Variants in DAPL1 observed in about 807,000 individuals in gnomAD.
DAPL1 encodes the protein death-associated protein-like 1.
A neutral mutation model predicts 12.9 loss-of-function variants in DAPL1; 17 were observed. The observed-to-expected ratio is 1.32, with a 90% CI of 0.90 to 1.98. The LOEUF is 1.98. Ranked by LOEUF, DAPL1 falls within the 30% of genes most tolerant of loss-of-function variation. The pLI is 0.00. For synonymous variants in DAPL1, 51 were observed against 42.0 expected, an observed-to-expected ratio of 1.21 and a Z score of -0.82; for missense variants, 157 against 125.7, an observed-to-expected ratio of 1.25 and a Z score of -1.19.
rs191708744 is a variant in DAPL1, at chr2:158,803,136, G to A, written c.59-1146G>A. Among the ~76,000 whole-genome samples, 54 of 152,350 alleles carry A rather than the reference G, an allele frequency of 3.5e-4. 1 individual carries two copies. The highest frequency in any genetic ancestry group is 1.2e-3 in the African/African-American group (50 of 41,588). Reference sequence around the variant, plus strand: ...CCATTTTATAAAAAATAAAACCTGAGTGTATGTGTAGAATAACTGTGGATG... The same window carrying A: ...CCATTTTATAAAAAATAAAACCTGAATGTATGTGTAGAATAACTGTGGATG... On this transcript the variant is annotated intron_variant, in intron 1 of 3. Transcript: ENST00000309950.
At chr2:158,812,714 G>T (rs538170553) in intron 3 of DAPL1, among the ~76,000 whole-genome samples, 1 of 151,212 alleles carries the variant, frequency 6.6e-6, no homozygotes. Context: ...AGGACCACTT[G>T]AGCCCGGGAG....
At chr2:158,795,492 T>G in intron 1 of DAPL1, 62 bp downstream of exon 1, 2 of 1,484,098 alleles carry the variant, frequency 1.3e-6, no homozygotes, top group South Asian at 1.2e-5. Flanking sequence ...CACCAATGCC[T>G]TCCATGGAGC....
rs553073763 is a variant in DAPL1 at position 158,803,487 on chromosome 2, G to A, written c.59-795G>A. Among the ~76,000 whole-genome samples the A allele has an allele frequency of 2.0e-5, 3 of 152,282 alleles. No homozygotes were observed. In the South Asian group the frequency reaches 6.2e-4, roughly 32 times the overall value. ...ATGTCCATTTAGCTTTTTCTCATTT[G>A]AGCTTGTCAGATTTTAGATGTGCAA... On this transcript the variant is annotated intron_variant, in intron 1 of 3. Transcript: ENST00000309950.
intron 3 of DAPL1, among the ~76,000 whole-genome samples, chr2:158,812,921 A>G (rs1485937299): frequency 6.6e-6 from 1 of 152,154 alleles, no homozygotes; most frequent in Non-Finnish European, 1.5e-5. Flanking sequence ...AGATATTTGT[A>G]CACCAATATT....
intron 3 of DAPL1, among the ~76,000 whole-genome samples, chr2:158,810,823 A>G (rs2059226784): frequency 1.3e-5 from 2 of 152,228 alleles, no homozygotes; most frequent in African/African-American, 4.8e-5. Flanking sequence ...TGTGTAGCCC[A>G]AAAGCTCTTT....
At chr2:158,810,234 TA>T (rs926495463) in intron 3 of DAPL1, among the ~76,000 whole-genome samples, 17 of 152,348 alleles carry the variant, frequency 1.1e-4, no homozygotes, top group Admixed American at 2.0e-4. Flanking sequence ...AGGTATCTTT[TA>T]ATACATTTTT....
intron 2 of DAPL1, among the ~76,000 whole-genome samples, chr2:158,804,744 T>A (rs1220562328): frequency 6.6e-6 from 1 of 152,280 alleles, no homozygotes; most frequent in Admixed American, 6.5e-5. Context: ...GTTTTCATAA[T>A]ATGCTTTCTG....
chr2:158,797,658 G>T (rs2059141991), intron 1 of DAPL1, among the ~76,000 whole-genome samples: 1 of 152,088 alleles, frequency 6.6e-6, no homozygotes, highest in Non-Finnish European at 1.5e-5. Context: ...CGGGCGTGGG[G>T]CATGTGCCTG....
chr2:158,815,605 G>A (rs2059255584), intron 3 of DAPL1, 100 bp from the exon 4 acceptor site: 2 of 790,898 alleles, frequency 2.5e-6, no homozygotes, highest in Non-Finnish European at 4.4e-6. Flanking sequence ...AAACAAAATT[G>A]TGAGATTCCC....
chr2:158,804,367 A>G lies in DAPL1; in HGVS notation c.144A>G (p.Thr48=), dbSNP rs1424021634. 8 of 1,605,642 alleles carry G rather than the reference A, an allele frequency of 5.0e-6. No homozygotes were observed. The East Asian group carries it at 6.7e-5, about 13-fold the overall frequency. ...RHTKKTGFEK[T]SAIANVAKIQ... is the part of the protein sequence containing the mutation. The stretch of plus-strand genomic sequence containing the variant: ...CCAAAAAAACAGGATTCGAGAAAAC[A>G]AGGTAGGGACTCTTAATTTTTCTCC... Residue 48 remains threonine (T), a splice_region_variant and synonymous_variant, in exon 2 of 4, where the codon ACA becomes ACG. Transcript: ENST00000309950.
At chr2:158,804,134 A>AT (rs796773330) in intron 1 of DAPL1, 148 bp from the exon 2 acceptor site, 10 of 28,186 alleles carry the variant, frequency 3.5e-4, no homozygotes, top group East Asian at 1.5e-3. Flanking sequence ...AAATATATAT[A>AT]TTTTTTATTG....
intron 1 of DAPL1, among the ~76,000 whole-genome samples, chr2:158,800,153 A>C (rs2059159472): frequency 6.6e-6 from 1 of 151,966 alleles, no homozygotes; most frequent in Non-Finnish European, 1.5e-5. Flanking sequence ...TTTTTTTGAG[A>C]GGTAGATGAA....
intron 3 of DAPL1, among the ~76,000 whole-genome samples, chr2:158,812,432 G>A (rs1412414430): frequency 6.6e-6 from 1 of 152,178 alleles, no homozygotes; most frequent in Non-Finnish European, 1.5e-5. Flanking sequence ...TGTATTGCTG[G>A]TGGGAATGTA....
At chr2:158,804,179 A>AT (rs56673121) in intron 1 of DAPL1, 103 bp from the exon 2 acceptor site, 9,720 of 773,196 alleles carry the variant, frequency 0.013, 465 homozygotes, top group African/African-American at 0.12. Context: ...TCTTTAAAAA[A>AT]TAAGTTCAAA....
At chr2:158,815,101 A>T (rs964902882) in intron 3 of DAPL1, among the ~76,000 whole-genome samples, 3 of 152,234 alleles carry the variant, frequency 2.0e-5, no homozygotes, top group South Asian at 4.1e-4. Context: ...TTACTCATAG[A>T]TGTCTTCTGT....
Position 158,795,456 on chromosome 2 carries a change from T to C in DAPL1, c.58+26T>C, listed in dbSNP as rs1204683184. 7.7e-6 allele frequency: 12 copies of C among 1,551,090 alleles called. No homozygotes were observed. In the East Asian group the frequency reaches 2.9e-4, roughly 38 times the overall value. Reference sequence around the variant, plus strand: ...GTAGGCTGCCACCTGCCCTCAGTCCTGCAGGCTGTTGCTGCTCCCCTCTTC... The same window carrying C: ...GTAGGCTGCCACCTGCCCTCAGTCCCGCAGGCTGTTGCTGCTCCCCTCTTC... On this transcript the variant is annotated intron_variant, in intron 1 of 3. Coordinates refer to ENST00000309950, the MANE Select transcript of DAPL1 (RefSeq NM_001017920.3).
At position 158,807,129 on chromosome 2, in the gene DAPL1, A is replaced by G; in HGVS notation, c.207+14A>G. The G allele has an allele frequency of 6.2e-7, 1 of 1,601,186 alleles. No homozygotes were observed. Among genetic ancestry groups the G allele is most frequent in the Non-Finnish European group, 8.5e-7 (1 of 1,171,068 alleles). On this transcript the variant is annotated intron_variant, in intron 3 of 3. Transcript: ENST00000309950. The stretch of plus-strand genomic sequence containing the variant: ...GCACTGGAGAAGGTGAGCCGTGGGC[A>G]AATCACATAGCGCTCCAAGTCAATC...
At chr2:158,812,794 CAA>C (rs148850724) in intron 3 of DAPL1, among the ~76,000 whole-genome samples, 19 of 124,382 alleles carry the variant, frequency 1.5e-4, no homozygotes, top group East Asian at 3.1e-4. Flanking sequence ...AACCTCAGCT[CAA>C]AAAAAAAAAA....
intron 1 of DAPL1, among the ~76,000 whole-genome samples, chr2:158,800,529 G>T (rs571202204): frequency 1.3e-5 from 2 of 152,144 alleles, no homozygotes; most frequent in Non-Finnish European, 2.9e-5. Flanking sequence ...CCCCATTGAA[G>T]GACGTGGAGA....
Sources: gnomAD v4.1 joint callset for allele counts (sites outside exome capture counted in the v4.1 genomes callset) on GRCh38, gnomAD v4.1.1 for gene constraint, MANE v1.5 for transcripts, NCBI Gene and HGNC (gene_info 2026-07-23, HGNC 2026-07-21) for gene names.